The following PITPNC1 variants were observed in gnomAD, a reference collection of about 807,000 sequenced individuals.
The protein encoded by PITPNC1 is phosphatidylinositol transfer protein cytoplasmic 1, also known as cytoplasmic phosphatidylinositol transfer protein 1.
In PITPNC1, 18 loss-of-function variants were observed where a neutral mutation model predicts 44.7. That is an observed-to-expected ratio of 0.40 (90% CI 0.28 to 0.60). PITPNC1 has a LOEUF of 0.60. Ranked by LOEUF, PITPNC1 falls within the 20% of genes least tolerant of loss-of-function variation. PITPNC1 has a pLI of 0.39. For missense variants in PITPNC1, 290 were observed against 418.4 expected (o/e 0.69, Z 2.68); for synonymous variants, 141 against 149.6 (o/e 0.94, Z 0.42).
chr17:67,568,230 G>A (rs1334560557), intron 4 of PITPNC1, among the ~76,000 whole-genome samples: 1 of 152,046 alleles, frequency 6.6e-6, no homozygotes, highest in East Asian at 1.9e-4. Context: ...ACATGCTAAG[G>A]GAAAGAAGCC....
rs555005702 is a variant in PITPNC1, at chr17:67,435,108, C to CAAA, written c.48+56926_48+56928dup. 4.1e-3 allele frequency among the ~76,000 whole-genome samples: 312 copies of CAAA among 76,208 alleles called. 3 individuals carry two copies. Among genetic ancestry groups the CAAA allele is most frequent in the African/African-American group, 9.1e-3 (198 of 21,852 alleles). 50.0% of individuals were successfully genotyped at this position (76,208 alleles called of 152,430 possible). ...TGGGTGACAGAGCGAGACTCCATCT[C>CAAA]AAAAAAAAAAAAAAAAAAAAAAGAA... On this transcript the variant is annotated intron_variant, in intron 1 of 8. Transcript: ENST00000581322.
chr17:67,440,974 T>C (rs1333139561), intron 1 of PITPNC1, among the ~76,000 whole-genome samples: 1 of 152,138 alleles, frequency 6.6e-6, no homozygotes, highest in Admixed American at 6.6e-5. Flanking sequence ...CACAGAGTAT[T>C]AAGATCCCCA....
At chr17:67,560,004 C>A (rs754147141) in intron 4 of PITPNC1, among the ~76,000 whole-genome samples, 1 of 152,244 alleles carries the variant, frequency 6.6e-6, no homozygotes, top group African/African-American at 2.4e-5. Flanking sequence ...TGGAAGCAGT[C>A]TAGAACCATT....
At chr17:67,548,720 C>A (rs1470582268) in intron 2 of PITPNC1, among the ~76,000 whole-genome samples, 3 of 152,168 alleles carry the variant, frequency 2.0e-5, no homozygotes, top group Admixed American at 1.3e-4. Context: ...TCCTCAATGT[C>A]TCTAAAGCCT....
chr17:67,589,527 A>C (rs2041362777), intron 5 of PITPNC1, among the ~76,000 whole-genome samples: 1 of 151,062 alleles, frequency 6.6e-6, no homozygotes, highest in African/African-American at 2.4e-5. Flanking sequence ...GGGAAACTGG[A>C]GTTTGGAGCT....
At chr17:67,484,204 C>T (rs932002526) in intron 1 of PITPNC1, among the ~76,000 whole-genome samples, 7 of 152,132 alleles carry the variant, frequency 4.6e-5, no homozygotes, top group Non-Finnish European at 1.0e-4. Flanking sequence ...AGGGGCGAGC[C>T]TCCACACCCA....
At chr17:67,425,205 A>ATTT (rs1567984766) in intron 1 of PITPNC1, among the ~76,000 whole-genome samples, 1 of 43,650 alleles carries the variant, frequency 2.3e-5, no homozygotes, top group Non-Finnish European at 4.2e-5. Flanking sequence ...ACGCACACGC[A>ATTT]CACACACACA....
At chr17:67,517,050 T>C (rs533762971) in intron 1 of PITPNC1, among the ~76,000 whole-genome samples, 1 of 152,364 alleles carries the variant, frequency 6.6e-6, no homozygotes, top group East Asian at 1.9e-4. Context: ...TTGGACACGA[T>C]GTCTTAGCTT....
intron 5 of PITPNC1, among the ~76,000 whole-genome samples, chr17:67,624,919 A>G (rs1173654432): frequency 6.6e-6 from 1 of 152,224 alleles, no homozygotes; most frequent in East Asian, 1.9e-4. Flanking sequence ...TATTATTCTT[A>G]ATACTTTACA....
intron 1 of PITPNC1, among the ~76,000 whole-genome samples, chr17:67,449,876 A>T (rs1028153126): frequency 6.6e-6 from 1 of 152,158 alleles, no homozygotes; most frequent in East Asian, 1.9e-4. Context: ...TTTTGCAGAG[A>T]TGGGGGTCTC....
chr17:67,467,951 A>T (rs146838177), intron 1 of PITPNC1, among the ~76,000 whole-genome samples: 285 of 152,334 alleles, frequency 1.9e-3, no homozygotes, highest in Middle Eastern at 0.014. Context: ...CTTGTATTTC[A>T]TGCCAGCCTC....
intron 1 of PITPNC1, among the ~76,000 whole-genome samples, chr17:67,392,389 A>G (rs2038151247): frequency 6.6e-6 from 1 of 152,164 alleles, no homozygotes; most frequent in Non-Finnish European, 1.5e-5. Flanking sequence ...ATTCTTTTAT[A>G]GTCACACTGC....
chr17:67,443,780 G>C (rs573318010), intron 1 of PITPNC1, among the ~76,000 whole-genome samples: 1 of 151,754 alleles, frequency 6.6e-6, no homozygotes, highest in South Asian at 2.1e-4. Flanking sequence ...AATTACAGGC[G>C]TCTGCCACCA....
rs571771648 is a variant in PITPNC1, at chr17:67,666,675, C to T, written c.463-2833C>T. The stretch of plus-strand genomic sequence containing the variant: ...GAGAGATTGAGAAGAGGCAGGAGGG[C>T]AAGCATTCACCCGCTACTTTGATGA... On this transcript the variant is annotated intron_variant, in intron 6 of 8. Transcript: ENST00000581322. 3.9e-5 allele frequency among the ~76,000 whole-genome samples: 6 copies of T among 152,216 alleles called. No individual in the cohort carries two copies. The South Asian group carries it at 1.0e-3, about 26-fold the overall frequency.
chr17:67,513,489 G>GTGTGTATATATATA lies in PITPNC1; in HGVS notation c.49-19312_49-19311insGTGTATATATATAT, dbSNP rs772483698. Among the ~76,000 whole-genome samples the GTGTGTATATATATA allele has an allele frequency of 2.6e-3, 358 of 138,658 alleles. 3 individuals carry two copies. Among genetic ancestry groups the GTGTGTATATATATA allele is most frequent in the African/African-American group, 9.2e-3 (344 of 37,376 alleles). The allele number at this position is 138,658 out of a possible 152,430, so 91.0% of individuals were successfully genotyped here. On this transcript the variant is annotated intron_variant, in intron 1 of 8. Transcript: ENST00000581322. ...ATATTTTTACTATATGTGTGTGTGT[G>GTGTGTATATATATA]TATATATATATATATATATATATAG... is the stretch of plus-strand genomic sequence containing the variant.
chr17:67,689,117 G>A (rs181551836), intron 8 of PITPNC1, among the ~76,000 whole-genome samples: 418 of 152,052 alleles, frequency 2.7e-3, no homozygotes, highest in African/African-American at 9.5e-3. Flanking sequence ...CAGGAGAATC[G>A]TTTGAACCCA....
intron 1 of PITPNC1, among the ~76,000 whole-genome samples, chr17:67,463,942 C>T (rs1356679019): frequency 6.6e-6 from 1 of 151,924 alleles, no homozygotes; most frequent in African/African-American, 2.4e-5. Context: ...GCCTGTAACC[C>T]CAGCACTTTG....
chr17:67,416,378 G>A (rs1205051240), intron 1 of PITPNC1, among the ~76,000 whole-genome samples: 1 of 151,410 alleles, frequency 6.6e-6, no homozygotes, highest in Non-Finnish European at 1.5e-5. Flanking sequence ...ACCACGCTTG[G>A]CTAATTTTTT....
intron 1 of PITPNC1, among the ~76,000 whole-genome samples, chr17:67,387,798 GT>G (rs1196753135): frequency 6.6e-6 from 1 of 152,086 alleles, no homozygotes; most frequent in Non-Finnish European, 1.5e-5. Context: ...TTAATTGTTT[GT>G]TGTCTATCGC....
Sources: allele counts gnomAD v4.1 joint callset (sites outside exome capture counted in the v4.1 genomes callset), GRCh38; gene constraint gnomAD v4.1.1; transcripts MANE v1.5; gene names NCBI Gene and HGNC (gene_info 2026-07-23, HGNC 2026-07-21).